Variants in MRPS5 observed in about 807,000 individuals in gnomAD.
MRPS5 encodes mitochondrial ribosomal protein S5.
A neutral mutation model predicts 51.9 loss-of-function variants in MRPS5; 27 were observed. That is an observed-to-expected ratio of 0.52 (90% CI 0.38 to 0.72). The LOEUF is 0.72. Ranked by LOEUF, MRPS5 falls within the 30% of genes least tolerant of loss-of-function variation. The pLI is 0.00. For missense variants in MRPS5, 570 were observed against 545.7 expected (o/e 1.04, Z -0.44); for synonymous variants, 196 against 193.2 (o/e 1.01, Z -0.12).
intron 8 of MRPS5, 125 bp from the exon 9 acceptor site, chr2:95,101,019 ACTT>A (rs1675785572): frequency 1.4e-6 from 1 of 725,748 alleles, no homozygotes; most frequent in Non-Finnish European, 2.2e-6. Flanking sequence ...GTTAGTATAT[ACTT>A]CTAAAATATA....
intron 9 of MRPS5, 64 bp downstream of exon 9, chr2:95,100,773 G>T: frequency 8.0e-7 from 1 of 1,257,120 alleles, no homozygotes; most frequent in African/African-American, 1.5e-5. Flanking sequence ...GAGATACATT[G>T]TCACACAGAC....
intron 6 of MRPS5, among the ~76,000 whole-genome samples, chr2:95,105,711 A>C (rs1488431121): frequency 6.6e-6 from 1 of 152,224 alleles, no homozygotes; most frequent in Non-Finnish European, 1.5e-5. Context: ...ATATATACAA[A>C]TTCTTCAAAG....
intron 10 of MRPS5, chr2:95,091,515 T>C (rs1036616637): frequency 6.6e-6 from 1 of 152,314 alleles, no homozygotes; most frequent in African/African-American, 2.4e-5. Flanking sequence ...CAGGATATTG[T>C]TTACCGCGGT....
At chr2:95,115,515 T>C in intron 2 of MRPS5, among the ~76,000 whole-genome samples, 1 of 152,194 alleles carries the variant, frequency 6.6e-6, no homozygotes, top group Admixed American at 6.5e-5. Context: ...TCTGGGCAAT[T>C]GGCGCCCTCT....
In MRPS5 at chr2:95,085,461, GGACA is replaced by G. The variant is rs1209087700; in HGVS notation, c.*1892_*1895del. 3.3e-5 allele frequency among the ~76,000 whole-genome samples: 5 copies of G among 152,170 alleles called. No individual in the cohort carries two copies. In the South Asian group the frequency reaches 8.3e-4, roughly 25 times the overall value. ...AGGTACTTAAGAAGGAAAACTAACA[GGACA>G]GATAAGTTTTAGGAAATAACTACCT... On this transcript the variant is annotated 3_prime_UTR_variant, in exon 12 of 12. Transcript: ENST00000272418.
chr2:95,119,974 G>T (rs1264471305), intron 1 of MRPS5, among the ~76,000 whole-genome samples: 1 of 152,176 alleles, frequency 6.6e-6, no homozygotes. Flanking sequence ...GAGGTGGGAG[G>T]ATGGATTAAG....
At chr2:95,095,754 G>A (rs1348430140) in intron 10 of MRPS5, among the ~76,000 whole-genome samples, 1 of 152,092 alleles carries the variant, frequency 6.6e-6, no homozygotes, top group Non-Finnish European at 1.5e-5. Context: ...GAGAAAGCAG[G>A]AAAGATCTAA....
chr2:95,100,686 A>C, intron 9 of MRPS5, 150 bp from the exon 10 acceptor site: 1 of 881,356 alleles, frequency 1.1e-6, no homozygotes. Context: ...CATTTTAGTA[A>C]CCTTCTTAGG....
At chr2:95,121,037 G>T (rs144668683) in intron 1 of MRPS5, among the ~76,000 whole-genome samples, 2 of 152,136 alleles carry the variant, frequency 1.3e-5, no homozygotes, top group African/African-American at 4.8e-5. Flanking sequence ...AGAATCGCTT[G>T]AACCCGGGAG....
chr2:95,110,383 T>C (rs1257700740), intron 3 of MRPS5, among the ~76,000 whole-genome samples: 1 of 152,244 alleles, frequency 6.6e-6, no homozygotes, highest in Admixed American at 6.5e-5. Context: ...TTCCCTGTCC[T>C]CTTGCCTCCA....
At chr2:95,117,569 T>C (rs1676319734) in intron 2 of MRPS5, among the ~76,000 whole-genome samples, 1 of 149,392 alleles carries the variant, frequency 6.7e-6, no homozygotes, top group Non-Finnish European at 1.5e-5. Context: ...CTCTTCATTG[T>C]CCCTGCTCTA....
At chr2:95,099,023 A>G (rs945577702) in intron 10 of MRPS5, among the ~76,000 whole-genome samples, 1 of 149,930 alleles carries the variant, frequency 6.7e-6, no homozygotes, top group African/African-American at 2.5e-5. Context: ...GGTTCACCCC[A>G]TTCTCCTGCC....
At chr2:95,100,612 T>C (rs1449055315) in intron 9 of MRPS5, 76 bp from the exon 10 acceptor site, 11 of 1,154,766 alleles carry the variant, frequency 9.5e-6, no homozygotes, top group African/African-American at 6.1e-5. Context: ...CACAAAGCAA[T>C]GTATACTAGC....
chr2:95,090,163 C>T (rs1675418669), intron 11 of MRPS5, among the ~76,000 whole-genome samples: 1 of 121,172 alleles, frequency 8.3e-6, no homozygotes. Context: ...GGTGACAGAG[C>T]GAGACTCCGT....
intron 11 of MRPS5, among the ~76,000 whole-genome samples, chr2:95,089,703 G>A (rs1675401757): frequency 6.6e-6 from 1 of 152,216 alleles, no homozygotes; most frequent in Non-Finnish European, 1.5e-5. Flanking sequence ...GGTGCCCTGG[G>A]TGCTTCATCC....
chr2:95,109,586 T>C (rs1676055098), intron 4 of MRPS5, among the ~76,000 whole-genome samples: 1 of 152,254 alleles, frequency 6.6e-6, no homozygotes, highest in Non-Finnish European at 1.5e-5. Context: ...CCAGAAACAT[T>C]TACTATCTTC....
At chr2:95,108,517 G>T in intron 4 of MRPS5, 109 bp from the exon 5 acceptor site, 1 of 885,442 alleles carries the variant, frequency 1.1e-6, no homozygotes, top group Non-Finnish European at 1.7e-6. Context: ...GTTCACTGGA[G>T]CTTAAGCTAA....
At chr2:95,094,955 G>A (rs1428213516) in intron 10 of MRPS5, among the ~76,000 whole-genome samples, 1 of 152,092 alleles carries the variant, frequency 6.6e-6, no homozygotes, top group Non-Finnish European at 1.5e-5. Context: ...GAAGAGTCAA[G>A]ACCCAGTGTG....
rs949914086 is a variant in MRPS5, at chr2:95,085,664, C to T, written c.*1693G>A. ...GCCTCAGCAGAGGTCCCGAGGACAG[C>T]GACAGGAGGAAACCTGGATCTCCAT... On this transcript the variant is annotated 3_prime_UTR_variant, in exon 12 of 12. Coordinates refer to ENST00000272418, the MANE Select transcript of MRPS5 (RefSeq NM_031902.5). Among the ~76,000 whole-genome samples the T allele has an allele frequency of 7.2e-5, 11 of 152,182 alleles. No individual in the cohort carries two copies. In the South Asian group the frequency reaches 8.3e-4, roughly 12 times the overall value.
Sources: gnomAD v4.1 joint callset for allele counts (sites outside exome capture counted in the v4.1 genomes callset) on GRCh38, gnomAD v4.1.1 for gene constraint, MANE v1.5 for transcripts, NCBI Gene and HGNC (gene_info 2026-07-23, HGNC 2026-07-21) for gene names.